Variants in RPL8 observed in about 807,000 individuals in gnomAD.
The protein encoded by RPL8 is large ribosomal subunit protein uL2.
For synonymous variants in RPL8, 182 were observed against 143.2 expected, an observed-to-expected ratio of 1.27 and a Z score of -1.94; for missense variants, 248 against 365.9, an observed-to-expected ratio of 0.68 and a Z score of 2.63.
intron 2 of RPL8, 82 bp downstream of exon 2, chr8:144,791,691 A>G (rs1826525246): frequency 6.3e-7 from 1 of 1,592,048 alleles, no homozygotes; most frequent in Non-Finnish European, 8.6e-7. Context: ...CGAGGTTCCC[A>G]TATCGGCTTA....
Position 144,792,094 on chromosome 8 carries a change from G to A in RPL8, c.36C>T (p.Ala12=), listed in dbSNP as rs933013196. 1.9e-6 allele frequency: 3 copies of A among 1,595,178 alleles called. No individual in the cohort carries two copies. The highest frequency in any genetic ancestry group is 2.6e-6 in the Non-Finnish European group (3 of 1,173,614). ...TCACGTGCGCGCGGAACACAGACCC[G>A]GCGCCCTTCCTCTGTCCACGGATCA... The part of the protein sequence containing the change: ...GRVIRGQRKG[A]GSVFRAHVKH... The change falls in exon 1 of 5, where the codon GCC becomes GCT. Residue 12 remains alanine, a synonymous_variant. Transcript: ENST00000528957.
At position 144,792,159 on chromosome 8, in the gene RPL8, T is replaced by C. The variant is rs995687090; in HGVS notation, c.-30A>G. 6.8e-7 allele frequency: 1 copy of C among 1,463,550 alleles called. No homozygotes were observed. Among genetic ancestry groups the C allele is most frequent in the African/African-American group, 1.5e-5 (1 of 67,482 alleles). 90.7% of individuals were successfully genotyped at this position (1,463,550 alleles called of 1,614,324 possible). A position where few individuals can be genotyped will look rare whatever the true frequency, so the allele number is the denominator to read the frequency against. On this transcript the variant is annotated 5_prime_UTR_variant, in exon 1 of 5. It removes the in-frame stop codon of an upstream open reading frame in the 5' UTR. Coordinates refer to ENST00000528957, the MANE Select transcript of RPL8 (RefSeq NM_001317782.2). ...ACGGGTCCTGGGGGCGACTCACGAT[T>C]AGCGCGGCCGGGCGGCCCGGGTACC... is the stretch of plus-strand genomic sequence containing the variant.
Position 144,791,732 on chromosome 8 carries a change from C to T in RPL8, c.280+41G>A, listed in dbSNP as rs199724902. The T allele has an allele frequency of 1.3e-5, 21 of 1,611,786 alleles. No individual in the cohort carries two copies. The East Asian group carries it at 2.7e-4, about 21-fold the overall frequency. On this transcript the variant is annotated intron_variant, in intron 2 of 4. Coordinates refer to ENST00000528957, the MANE Select transcript of RPL8 (RefSeq NM_001317782.2). ...TTAACTCCTCAGGCAACACCCAGAC[C>T]CCTCCCCACCCCGACCTTCCTTCCC...
At position 144,791,901 on chromosome 8, in the gene RPL8, T is replaced by C. The variant is rs1201309890; in HGVS notation, c.152A>G (p.Asp51Gly). ...IKGIVKDIIH[D>G]PGRGAPLAKV... ...GGCGAGGGGCGCGCCGCGGCCCGGG[T>C]CGTGGATGATGTCCTGTGGGCAGAG... The change falls in exon 2 of 5, where the codon GAC (aspartate) becomes GGC (glycine). Residue 51 changes from aspartate to glycine, a missense_variant. By Grantham distance (94) the Asp-to-Gly change is moderately conservative. Transcript: ENST00000528957. 6.2e-7 allele frequency: 1 copy of C among 1,613,250 alleles called. No individual in the cohort carries two copies. Among genetic ancestry groups the C allele is most frequent in the Non-Finnish European group, 8.5e-7 (1 of 1,179,938 alleles).
chr8:144,791,897 C>G lies in RPL8; in HGVS notation c.156G>C (p.Pro52=). The G allele has an allele frequency of 6.2e-7, 1 of 1,613,238 alleles. No homozygotes were observed. The highest frequency in any genetic ancestry group is 8.5e-7 in the Non-Finnish European group (1 of 1,179,928). ...KGIVKDIIHD[P]GRGAPLAKVV... Reference sequence around the variant, plus strand: ...CCTTGGCGAGGGGCGCGCCGCGGCCCGGGTCGTGGATGATGTCCTGTGGGC... The same window carrying G: ...CCTTGGCGAGGGGCGCGCCGCGGCCGGGGTCGTGGATGATGTCCTGTGGGC... The change falls in exon 2 of 5, where the codon CCG becomes CCC. Residue 52 remains proline, a synonymous_variant. Transcript: ENST00000528957.
At position 144,790,409 on chromosome 8, in the gene RPL8, G is replaced by C; in HGVS notation, c.561C>G (p.His187Gln). ...KPILKAGRAY[H>Q]KYKAKRNCWP... ...AGCAGTTCCTCTTTGCCTTATATTT[G>C]TGGTACGCCCGGCCAGCCTTCAAGA... The change falls in exon 4 of 5, where the codon CAC (histidine) becomes CAG (glutamine). Residue 187 changes from histidine to glutamine, a missense_variant. Physicochemically the swap from His to Gln is conservative, Grantham distance 24. Transcript: ENST00000528957. 2 of 1,614,078 alleles carry C rather than the reference G, an allele frequency of 1.2e-6. No homozygotes were observed. Among genetic ancestry groups the C allele is most frequent in the Non-Finnish European group, 1.7e-6 (2 of 1,180,010 alleles).
rs556381111 is a variant in RPL8, at chr8:144,792,352, C to G, written c.-223G>C. On this transcript the variant is annotated 5_prime_UTR_variant, in exon 1 of 5. Coordinates refer to ENST00000528957, the MANE Select transcript of RPL8 (RefSeq NM_001317782.2). ...GGATACTGCCCATGCCGCAAGGCCG[C>G]AAGGATGACCTACCTGTTCACCAGC... The G allele has an allele frequency of 5.7e-6, 4 of 705,084 alleles. No homozygotes were observed. Among genetic ancestry groups the G allele is most frequent in the South Asian group, 8.0e-5 (2 of 24,918 alleles). 43.7% of individuals were successfully genotyped at this position (705,084 alleles called of 1,614,324 possible).
At position 144,792,317 on chromosome 8, in the gene RPL8, G is replaced by C; in HGVS notation, c.-188C>G. On this transcript the variant is annotated 5_prime_UTR_variant, in exon 1 of 5. Coordinates refer to ENST00000528957, the MANE Select transcript of RPL8 (RefSeq NM_001317782.2). ...GGGTCTCAGCGCGCCTCACGGAAGA[G>C]GATGGCGGCGGATACTGCCCATGCC... The C allele has an allele frequency of 2.3e-6, 2 of 876,328 alleles. No individual in the cohort carries two copies. Among genetic ancestry groups the C allele is most frequent in the Non-Finnish European group, 3.1e-6 (2 of 638,662 alleles). The allele number at this position is 876,328 out of a possible 1,614,324, so 54.3% of individuals were successfully genotyped here.
In RPL8 at chr8:144,789,968, G is replaced by A. The variant is rs1826438066; in HGVS notation, c.616-6C>T. The A allele has an allele frequency of 1.2e-6, 2 of 1,604,294 alleles. No homozygotes were observed. The highest frequency in any genetic ancestry group is 1.7e-5 in the Admixed American group (1 of 58,836). The stretch of plus-strand genomic sequence containing the variant: ...CCAAAAGGATGCTCCACAGGCTGCA[G>A]GCAGAGAAAGATGGCTTTAGAAACC... On this transcript the variant is annotated splice_region_variant and splice_polypyrimidine_tract_variant and intron_variant, in intron 4 of 4. Coordinates refer to ENST00000528957, the MANE Select transcript of RPL8 (RefSeq NM_001317782.2).
At chr8:144,791,219 G>A (rs1826500456) in intron 3 of RPL8, 58 bp downstream of exon 3, 8 of 1,525,406 alleles carry the variant, frequency 5.2e-6, no homozygotes, top group African/African-American at 4.1e-5. Context: ...GCTGTCCACC[G>A]GCACTCACAG....
At chr8:144,791,165 A>T in intron 3 of RPL8, 112 bp downstream of exon 3, 2 of 1,076,364 alleles carry the variant, frequency 1.9e-6, no homozygotes, top group Non-Finnish European at 2.8e-6. Context: ...CCCAAGTTTT[A>T]GAACAACAGG....
At chr8:144,791,949 G>C in intron 1 of RPL8, 35 bp from the exon 2 acceptor site, 1 of 1,610,074 alleles carries the variant, frequency 6.2e-7, no homozygotes, top group Non-Finnish European at 8.5e-7. Context: ...CGGCGTTCCG[G>C]CCGGGCGTCC....
chr8:144,791,402 T>A lies in RPL8; in HGVS notation c.374A>T (p.Lys125Met). Reference sequence around the variant, plus strand: ...ATAGTTCCCTGATGCCCGGGCCAGCTTGCCACGGTCTCCAGGCTTCTCCTC... The same window carrying A: ...ATAGTTCCCTGATGCCCGGGCCAGCATGCCACGGTCTCCAGGCTTCTCCTC... ...CLEEKPGDRGKLARASGNYAT... is the reference protein window; with the variant it reads ...CLEEKPGDRGMLARASGNYAT... Residue 125 changes from lysine to methionine, a missense_variant, in exon 3 of 5, where the codon AAG becomes ATG. By Grantham distance (95) the Lys-to-Met change is moderately conservative (BLOSUM62 -1). Coordinates refer to ENST00000528957, the MANE Select transcript of RPL8 (RefSeq NM_001317782.2). 1 of 1,613,922 alleles carries A rather than the reference T, an allele frequency of 6.2e-7. No individual in the cohort carries two copies. Among genetic ancestry groups the A allele is most frequent in the Non-Finnish European group, 8.5e-7 (1 of 1,180,012 alleles).
In RPL8 at chr8:144,792,154, A is replaced by G; in HGVS notation, c.-25T>C. On this transcript the variant is annotated 5_prime_UTR_variant, in exon 1 of 5. Transcript: ENST00000528957. Reference sequence around the variant, plus strand: ...TGGCGACGGGTCCTGGGGGCGACTCACGATTAGCGCGGCCGGGCGGCCCGG... The same window carrying G: ...TGGCGACGGGTCCTGGGGGCGACTCGCGATTAGCGCGGCCGGGCGGCCCGG... 1 of 1,469,564 alleles carries G rather than the reference A, an allele frequency of 6.8e-7. No homozygotes were observed. The highest frequency in any genetic ancestry group is 8.9e-7 in the Non-Finnish European group (1 of 1,118,764). The allele number at this position is 1,469,564 out of a possible 1,614,324, so 91.0% of individuals were successfully genotyped here. A position where few individuals can be genotyped will look rare whatever the true frequency, so the allele number is the denominator to read the frequency against.
intron 3 of RPL8, chr8:144,790,937 G>A (rs112419185): frequency 0.032 from 14,595 of 456,790 alleles, 1,761 homozygotes; most frequent in African/African-American, 0.26. Flanking sequence ...CTCAGTAGGC[G>A]TCTTTGAGAA....
In RPL8 at chr8:144,789,769, T is replaced by A. The variant is rs114247992; in HGVS notation, c.*35A>T. On this transcript the variant is annotated 3_prime_UTR_variant, in exon 5 of 5. Transcript: ENST00000528957. The stretch of plus-strand genomic sequence containing the variant: ...AACCATGGGGGTGGGCACAGCCAGG[T>A]GGCATAAACACAAACTTTATTGAGG... 4.5e-3 allele frequency: 7,270 copies of A among 1,613,254 alleles called. 294 individuals are homozygous for A. In the African/African-American group the frequency reaches 0.088, roughly 20 times the overall value.
At chr8:144,791,705 C>T (rs1296760852) in intron 2 of RPL8, 68 bp downstream of exon 2, 28 of 1,604,454 alleles carry the variant, frequency 1.7e-5, no homozygotes, top group Middle Eastern at 4.4e-4. Flanking sequence ...CGGCTTAGGA[C>T]GTTAACTCCT....
chr8:144,792,183 C>A lies in RPL8; in HGVS notation c.-54G>T, dbSNP rs1261039874. The stretch of plus-strand genomic sequence containing the variant: ...TTAGCGCGGCCGGGCGGCCCGGGTA[C>A]CCCCGCCAGCCCGGCTTTCCGGGAC... On this transcript the variant is annotated 5_prime_UTR_variant, in exon 1 of 5. Coordinates refer to ENST00000528957, the MANE Select transcript of RPL8 (RefSeq NM_001317782.2). The A allele has an allele frequency of 2.1e-6, 3 of 1,432,294 alleles. No homozygotes were observed. The highest frequency in any genetic ancestry group is 3.0e-5 in the African/African-American group (2 of 66,490). The allele number at this position is 1,432,294 out of a possible 1,614,324, so 88.7% of individuals were successfully genotyped here. A position where few individuals can be genotyped will look rare whatever the true frequency, so the allele number is the denominator to read the frequency against.
chr8:144,789,879 G>A lies in RPL8; in HGVS notation c.699C>T (p.Arg233=), dbSNP rs778619469. ...STIRRDAPAG[R]KVGLIAARRT... ...GGCGGGCAGCAATGAGACCCACTTT[G>A]CGGCCAGCAGGGGCATCTCTGCGGA... Residue 233 remains arginine (R), a synonymous_variant, in exon 5 of 5, where the codon CGC becomes CGT. Transcript: ENST00000528957. 1 of 1,613,404 alleles carries A rather than the reference G, an allele frequency of 6.2e-7. No individual in the cohort carries two copies. The highest frequency in any genetic ancestry group is 8.5e-7 in the Non-Finnish European group (1 of 1,179,850).
Sources: gnomAD v4.1 joint callset for allele counts on GRCh38, gnomAD v4.1.1 for gene constraint, MANE v1.5 for transcripts, NCBI Gene and HGNC (gene_info 2026-07-23, HGNC 2026-07-21) for gene names.